The following PTPRB variants were observed in gnomAD, a reference collection of about 807,000 sequenced individuals.
The protein encoded by PTPRB is receptor-type tyrosine-protein phosphatase beta.
In PTPRB, 97 loss-of-function variants were observed where a neutral mutation model predicts 238.1. The ratio of observed to expected loss-of-function variants is 0.41; its 90% confidence interval spans 0.35 to 0.48. The LOEUF (loss-of-function observed/expected upper bound fraction) is 0.48, where lower values mean the gene tolerates loss of function less well. Ranked by LOEUF, PTPRB falls within the 20% of genes least tolerant of loss-of-function variation. The pLI, the probability that PTPRB is intolerant of heterozygous loss-of-function variation, is 0.30. For missense variants in PTPRB, 2,292 were observed against 2,681.9 expected, an observed-to-expected ratio of 0.85 and a Z score of 3.21; for synonymous variants, 970 against 995.4, an observed-to-expected ratio of 0.97 and a Z score of 0.48.
chr12:70,572,176 G>C (rs551702151), intron 11 of PTPRB, 89 bp from the exon 12 acceptor site: 27 of 1,287,404 alleles, frequency 2.1e-5, no homozygotes, highest in Non-Finnish European at 2.7e-5. Context: ...TAAAAAGAGA[G>C]AGTAGATTAT....
In PTPRB at chr12:70,571,469, T is replaced by C; in HGVS notation, c.3107-180A>G. 6 of 653,504 alleles carry C rather than the reference T, an allele frequency of 9.2e-6. 2 individuals carry two copies. In the South Asian group the frequency reaches 1.3e-4, roughly 14 times the overall value. 40.5% of individuals were successfully genotyped at this position (653,504 alleles called of 1,614,324 possible). A position where few individuals can be genotyped will look rare whatever the true frequency, so the allele number is the denominator to read the frequency against. On this transcript the variant is annotated intron_variant, in intron 12 of 33. Coordinates refer to ENST00000334414, the MANE Select transcript of PTPRB (RefSeq NM_001109754.4). ...GAAGCAACTATTAACATTGTGGTTT[T>C]TTCCTGACATAAATGTTACATGATC...
chr12:70,584,185 A>T (rs990325703), intron 9 of PTPRB, among the ~76,000 whole-genome samples: 4 of 151,844 alleles, frequency 2.6e-5, no homozygotes, highest in Non-Finnish European at 4.4e-5. Context: ...CTGAAGAAAG[A>T]ATTAATGAAA....
intron 21 of PTPRB, among the ~76,000 whole-genome samples, chr12:70,548,384 A>G (rs947508118): frequency 8.7e-5 from 12 of 138,034 alleles, no homozygotes; most frequent in African/African-American, 1.4e-4. Flanking sequence ...ACACACACAC[A>G]CGCCATGACT....
intron 3 of PTPRB, among the ~76,000 whole-genome samples, chr12:70,617,640 A>G (rs188702496): frequency 6.6e-6 from 1 of 152,316 alleles, no homozygotes; most frequent in East Asian, 1.9e-4. Flanking sequence ...ATAGGAGGTT[A>G]TCCCAGACTT....
At chr12:70,619,666 A>C (rs1351220035) in intron 3 of PTPRB, among the ~76,000 whole-genome samples, 1 of 152,156 alleles carries the variant, frequency 6.6e-6, no homozygotes, top group Non-Finnish European at 1.5e-5. Context: ...CCCAGCCTAC[A>C]CCCAGCACTG....
At chr12:70,608,779 A>T (rs1329686353) in intron 4 of PTPRB, 2 of 386,704 alleles carry the variant, frequency 5.2e-6, no homozygotes, top group Non-Finnish European at 9.2e-6. Context: ...ACATCACTTT[A>T]AAAAATTCCC....
chr12:70,548,346 T>TCTCTCACA (rs1298500250), intron 21 of PTPRB, among the ~76,000 whole-genome samples: 1 of 97,104 alleles, frequency 1.0e-5, no homozygotes, highest in Non-Finnish European at 2.2e-5. Flanking sequence ...TCTCTCTCTC[T>TCTCTCACA]CACACACACA....
intron 20 of PTPRB, 110 bp downstream of exon 20, chr12:70,555,050 A>G: frequency 1.5e-6 from 2 of 1,322,932 alleles, no homozygotes; most frequent in Non-Finnish European, 2.1e-6. Flanking sequence ...TGATACAAAA[A>G]TTACATTTTC....
chr12:70,576,684 A>AGGGGGGGG (rs1313001377), intron 10 of PTPRB, 39 bp from the exon 11 acceptor site: 615 of 29,798 alleles, frequency 0.021, 2 homozygotes, highest in Non-Finnish European at 0.029. Context: ...GGGGGGGGGA[A>AGGGGGGGG]GGGGGATTCA....
At chr12:70,578,412 T>C (rs1881020834) in intron 10 of PTPRB, among the ~76,000 whole-genome samples, 1 of 144,678 alleles carries the variant, frequency 6.9e-6, no homozygotes, top group Non-Finnish European at 1.5e-5. Context: ...ATCCCTATTA[T>C]TGTGCTTTAC....
rs1871431920 is a variant in PTPRB at position 70,519,303 on chromosome 12, G to A, written c.*2186C>T. 6.6e-6 allele frequency: 1 copy of A among 152,118 alleles called. No homozygotes were observed. Among genetic ancestry groups the A allele is most frequent in the African/African-American group, 2.4e-5 (1 of 41,430 alleles). The allele number at this position is 152,118 out of a possible 1,614,324, so 9.4% of individuals were successfully genotyped here. A position where few individuals can be genotyped will look rare whatever the true frequency, so the allele number is the denominator to read the frequency against. On this transcript the variant is annotated 3_prime_UTR_variant, in exon 34 of 34. Transcript: ENST00000334414. ...AATTGCTCTCTCTCCTAGATCCAGA[G>A]GTTTGCTATTAAAGTAGCATTAGCA...
chr12:70,627,036 T>C (rs1486325457), intron 2 of PTPRB, among the ~76,000 whole-genome samples: 1 of 151,866 alleles, frequency 6.6e-6, no homozygotes. Context: ...AGGGAATAAA[T>C]TAGACTAAAA....
chr12:70,570,348 AATTTT>A (rs971692864), intron 13 of PTPRB, among the ~76,000 whole-genome samples: 1 of 151,906 alleles, frequency 6.6e-6, no homozygotes, highest in Non-Finnish European at 1.5e-5. Flanking sequence ...TTTTTAATTT[AATTTT>A]ATTTTATTTT....
At chr12:70,531,970 A>T (rs995020935) in intron 32 of PTPRB, 65 bp downstream of exon 32, 4 of 1,589,094 alleles carry the variant, frequency 2.5e-6, no homozygotes, top group Non-Finnish European at 3.5e-6. Flanking sequence ...AAGGTCCTGG[A>T]TATTTTTTTG....
chr12:70,576,676 GGGGGGGA>G lies in PTPRB; in HGVS notation c.2579-38_2579-32del, dbSNP rs766534961. 1.7e-5 allele frequency: 4 copies of G among 236,418 alleles called. 1 individual carries two copies. The highest frequency in any genetic ancestry group is 1.1e-4 in the African/African-American group (3 of 26,938). 14.6% of individuals were successfully genotyped at this position (236,418 alleles called of 1,614,324 possible). ...ATTTTGAAAGGTGGGGGGCGGGGGG[GGGGGGGA>G]AGGGGGATTCAAAAAGAAAGACACA... On this transcript the variant is annotated intron_variant, in intron 10 of 33. Coordinates refer to ENST00000334414, the MANE Select transcript of PTPRB (RefSeq NM_001109754.4).
At chr12:70,583,547 T>G (rs966176725) in intron 9 of PTPRB, among the ~76,000 whole-genome samples, 1 of 152,126 alleles carries the variant, frequency 6.6e-6, no homozygotes, top group African/African-American at 2.4e-5. Context: ...TGACCTTGCA[T>G]AACATTGGAA....
intron 9 of PTPRB, among the ~76,000 whole-genome samples, chr12:70,582,544 T>A (rs1881494606): frequency 6.6e-6 from 1 of 152,104 alleles, no homozygotes; most frequent in Admixed American, 6.5e-5. Context: ...TTTTAGAGAT[T>A]CAAAGGCAAT....
intron 23 of PTPRB, 48 bp from the exon 24 acceptor site, chr12:70,540,070 T>G (rs759560902): frequency 6.7e-7 from 1 of 1,483,644 alleles, no homozygotes; most frequent in African/African-American, 1.4e-5. Context: ...ATACTTGGCT[T>G]GAACAAATTT....
At position 70,576,662 on chromosome 12, in the gene PTPRB, TGGGGGGCGGG is replaced by T; in HGVS notation, c.2579-27_2579-18del. On this transcript the variant is annotated intron_variant, in intron 10 of 33. Transcript: ENST00000334414. ...TGGAAGGGACTGTGATTTTGAAAGGTGGGGGGCGGGGGGGGGGGGGAAGGGGGATTCAAAA... is the reference window on the plus strand; with the variant it reads ...TGGAAGGGACTGTGATTTTGAAAGGTGGGGGGGGGGAAGGGGGATTCAAAA... The T allele has an allele frequency of 6.8e-5, 1 of 14,780 alleles. No individual in the cohort carries two copies. The highest frequency in any genetic ancestry group is 6.3e-3 in the South Asian group (1 of 160). The allele number at this position is 14,780 out of a possible 1,614,324, so 0.9% of individuals were successfully genotyped here.
Sources: allele counts gnomAD v4.1 joint callset (sites outside exome capture counted in the v4.1 genomes callset), GRCh38; gene constraint gnomAD v4.1.1; transcripts MANE v1.5; gene names NCBI Gene and HGNC (gene_info 2026-07-23, HGNC 2026-07-21).